Variants in COL22A1 observed in about 807,000 individuals in gnomAD.
COL22A1 encodes the protein collagen type XXII alpha 1 chain.
A neutral mutation model predicts 248.9 loss-of-function variants in COL22A1; 221 were observed. That is an observed-to-expected ratio of 0.89 (90% CI 0.80 to 0.99). The LOEUF (loss-of-function observed/expected upper bound fraction) is 0.99, where lower values mean the gene tolerates loss of function less well. Ranked by LOEUF, COL22A1 falls within the 50% of genes least tolerant of loss-of-function variation. The probability of loss-of-function intolerance (pLI) is 0.00; values close to 1 mark genes in which losing one functional copy is unlikely to be tolerated. For synonymous variants in COL22A1, 891 were observed against 793.4 expected (o/e 1.12, Z -2.07); for missense variants, 2,240 against 2,179.0 (o/e 1.03, Z -0.56).
chr8:138,887,068 A>G (rs1824723172), intron 1 of COL22A1, among the ~76,000 whole-genome samples: 1 of 152,038 alleles, frequency 6.6e-6, no homozygotes, highest in Admixed American at 6.5e-5. Flanking sequence ...CAATCCAACT[A>G]CACTCTTTAT....
chr8:138,729,581 A>G (rs528775928), intron 23 of COL22A1, among the ~76,000 whole-genome samples: 1 of 152,338 alleles, frequency 6.6e-6, no homozygotes, highest in African/African-American at 2.4e-5. Flanking sequence ...CAACTGTCTG[A>G]AAGTCTGGAA....
chr8:138,635,022 G>T lies in COL22A1; in HGVS notation c.3597C>A (p.Asn1199Lys), dbSNP rs568930608. 11 of 1,608,510 alleles carry T rather than the reference G, an allele frequency of 6.8e-6. No homozygotes were observed. The East Asian group carries it at 8.9e-5, about 13-fold the overall frequency. ...GATGATTACTTACTGGTGGCCCAGG[G>T]TTCCCTGGGGGCCCCATGAAACCTG... ...GVPGFMGPPG[N>K]PGPPGADGIA... is the part of the protein sequence containing the mutation. Residue 1199 changes from asparagine (N) to lysine (K), a missense_variant, in exon 49 of 65, where the codon AAC becomes AAA. Coordinates refer to ENST00000303045, the MANE Select transcript of COL22A1 (RefSeq NM_152888.3).
In COL22A1 at chr8:138,599,755, A is replaced by G. The variant is rs181639356; in HGVS notation, c.4186-857T>C. ...AAAGAAAGGAAAAGGAAAAAAGAAAACATGCAAGGCACAGAGACAGAAAGC... is the reference window on the plus strand; with the variant it reads ...AAAGAAAGGAAAAGGAAAAAAGAAAGCATGCAAGGCACAGAGACAGAAAGC... On this transcript the variant is annotated intron_variant, in intron 60 of 64. Coordinates refer to ENST00000303045, the MANE Select transcript of COL22A1 (RefSeq NM_152888.3). Among the ~76,000 whole-genome samples, 654 of 152,210 alleles carry G rather than the reference A, an allele frequency of 4.3e-3. 5 individuals are homozygous for G. Among genetic ancestry groups the G allele is most frequent in the African/African-American group, 0.014 (584 of 41,530 alleles).
chr8:138,694,740 C>T (rs534435739), intron 33 of COL22A1, 86 bp downstream of exon 33: 76 of 1,499,124 alleles, frequency 5.1e-5, no homozygotes, highest in Admixed American at 3.0e-4. Flanking sequence ...GTGGAATGCA[C>T]GGTGCAGATC....
chr8:138,850,631 C>G (rs184979612), intron 3 of COL22A1, among the ~76,000 whole-genome samples: 1 of 152,206 alleles, frequency 6.6e-6, no homozygotes, highest in African/African-American at 2.4e-5. Flanking sequence ...TCTGTCCTCT[C>G]CCAGCCAAGT....
At position 138,850,687 on chromosome 8, in the gene COL22A1, CA is replaced by C. The variant is rs1463550290; in HGVS notation, c.659-6530del. Among the ~76,000 whole-genome samples, 4 of 152,322 alleles carry C rather than the reference CA, an allele frequency of 2.6e-5. No homozygotes were observed. The East Asian group carries it at 7.7e-4, about 29-fold the overall frequency. ...CAGAGAAGCCAAAAAAGGACAAGACCAGGGGAAAGAACCTCGAGCTCCAAGG... is the reference window on the plus strand; with the variant it reads ...CAGAGAAGCCAAAAAAGGACAAGACCGGGGAAAGAACCTCGAGCTCCAAGG... On this transcript the variant is annotated intron_variant, in intron 3 of 64. Transcript: ENST00000303045.
At chr8:138,824,497 T>G (rs905047515) in intron 6 of COL22A1, among the ~76,000 whole-genome samples, 1 of 152,206 alleles carries the variant, frequency 6.6e-6, no homozygotes, top group African/African-American at 2.4e-5. Context: ...TCTGGGCCTG[T>G]GCAACTCCAC....
At chr8:138,810,252 G>A (rs1448374555) in intron 9 of COL22A1, among the ~76,000 whole-genome samples, 3 of 152,180 alleles carry the variant, frequency 2.0e-5, no homozygotes, top group South Asian at 4.1e-4. Flanking sequence ...AGAAGAGCAG[G>A]CATTGGGTCT....
chr8:138,788,320 G>T (rs757588212), intron 12 of COL22A1, among the ~76,000 whole-genome samples: 6 of 152,176 alleles, frequency 3.9e-5, no homozygotes, highest in African/African-American at 1.4e-4. Flanking sequence ...CTGAAAACAT[G>T]AACTCAAATC....
intron 49 of COL22A1, among the ~76,000 whole-genome samples, chr8:138,631,492 T>C (rs908180440): frequency 2.6e-5 from 4 of 152,142 alleles, no homozygotes; most frequent in Admixed American, 2.6e-4. Flanking sequence ...AAGTAATAAA[T>C]GGACAACTCG....
chr8:138,745,816 C>T lies in COL22A1; in HGVS notation c.2085+5642G>A, dbSNP rs564486881. On this transcript the variant is annotated intron_variant, in intron 22 of 64. Transcript: ENST00000303045. The stretch of plus-strand genomic sequence containing the variant: ...TGGCCTTGAGCCAGGCTGGGTCTTC[C>T]GCCAAAACATTCAGGATTCAGACGT... 2.6e-5 allele frequency among the ~76,000 whole-genome samples: 4 copies of T among 152,230 alleles called. No homozygotes were observed. The East Asian group carries it at 5.8e-4, about 22-fold the overall frequency.
chr8:138,598,252 C>T (rs752524819), intron 61 of COL22A1, among the ~76,000 whole-genome samples: 49 of 152,090 alleles, frequency 3.2e-4, no homozygotes, highest in Non-Finnish European at 2.4e-4. Context: ...CGCAGGGGGA[C>T]GAAGGAGTAC....
At chr8:138,619,237 G>A (rs1819565382) in intron 53 of COL22A1, among the ~76,000 whole-genome samples, 1 of 152,158 alleles carries the variant, frequency 6.6e-6, no homozygotes, top group African/African-American at 2.4e-5. Context: ...AGAAAACTTT[G>A]AGCAACAACA....
chr8:138,876,184 G>A (rs936892856), intron 3 of COL22A1, among the ~76,000 whole-genome samples: 8 of 152,048 alleles, frequency 5.3e-5, no homozygotes, highest in Non-Finnish European at 8.8e-5. Context: ...CCAGCTGCAC[G>A]GGCCCATCAT....
At chr8:138,885,032 ACG>A (rs1491294247) in intron 1 of COL22A1, among the ~76,000 whole-genome samples, 30 of 147,318 alleles carry the variant, frequency 2.0e-4, no homozygotes, top group Admixed American at 2.7e-4. Context: ...ACACACACAC[ACG>A]CACACACACA....
chr8:138,758,315 C>T (rs1317195444), intron 18 of COL22A1, among the ~76,000 whole-genome samples: 3 of 152,208 alleles, frequency 2.0e-5, no homozygotes, highest in African/African-American at 7.2e-5. Context: ...ACAATCCAGC[C>T]ATGCCATTCC....
At chr8:138,619,790 G>A (rs1024932957) in intron 52 of COL22A1, among the ~76,000 whole-genome samples, 1 of 152,268 alleles carries the variant, frequency 6.6e-6, no homozygotes. Flanking sequence ...AAGCATCTTG[G>A]TGTGGATGAG....
intron 45 of COL22A1, among the ~76,000 whole-genome samples, 196 bp downstream of exon 45, chr8:138,655,701 G>A (rs1421270295): frequency 3.3e-5 from 5 of 152,046 alleles, no homozygotes; most frequent in Admixed American, 6.5e-5. Context: ...ATTGCAGCAT[G>A]TGACCAGTGG....
At chr8:138,856,462 G>C (rs1208098569) in intron 3 of COL22A1, among the ~76,000 whole-genome samples, 3 of 152,030 alleles carry the variant, frequency 2.0e-5, no homozygotes, top group Admixed American at 1.3e-4. Context: ...GTGACAGCAA[G>C]AGAAAGAGAA....
Sources: allele counts gnomAD v4.1 joint callset (sites outside exome capture counted in the v4.1 genomes callset), GRCh38; gene constraint gnomAD v4.1.1; transcripts MANE v1.5; gene names NCBI Gene and HGNC (gene_info 2026-07-23, HGNC 2026-07-21).